Variants in CCDC138 observed in about 807,000 individuals in gnomAD.
The protein encoded by CCDC138 is coiled-coil domain-containing protein 138.
CCDC138 carries 66 observed loss-of-function variants against 82.3 expected under a neutral mutation model. That is an observed-to-expected ratio of 0.80 (90% CI 0.66 to 0.98). CCDC138 has a LOEUF of 0.98. Ranked by LOEUF, CCDC138 falls within the 50% of genes least tolerant of loss-of-function variation. CCDC138 has a pLI of 0.00. For missense variants in CCDC138, 816 were observed against 758.9 expected (o/e 1.08, Z -0.88); for synonymous variants, 297 against 265.4 (o/e 1.12, Z -1.16).
downstream of CCDC138, among the ~76,000 whole-genome samples, chr2:108,876,921 G>A (rs1049414201): frequency 1.3e-5 from 2 of 152,280 alleles, no homozygotes; most frequent in Admixed American, 6.5e-5. Context: ...GAGTAAAGTG[G>A]CCACAGGTCT....
At chr2:108,805,953 A>C (rs2149701138) in intron 7 of CCDC138, among the ~76,000 whole-genome samples, 1 of 152,210 alleles carries the variant, frequency 6.6e-6, no homozygotes, top group East Asian at 1.9e-4. Flanking sequence ...GTCACTTTGA[A>C]AATGAAAGCA....
chr2:108,852,243 T>G (rs1162580896), intron 12 of CCDC138, among the ~76,000 whole-genome samples: 1 of 152,180 alleles, frequency 6.6e-6, no homozygotes, highest in Non-Finnish European at 1.5e-5. Flanking sequence ...TGAAATAAAA[T>G]TTAACTGTAA....
At chr2:108,835,559 C>T (rs1232052426) in intron 10 of CCDC138, among the ~76,000 whole-genome samples, 1 of 152,134 alleles carries the variant, frequency 6.6e-6, no homozygotes, top group Non-Finnish European at 1.5e-5. Flanking sequence ...TAATGAATAA[C>T]CATAGTTTAA....
chr2:108,793,112 C>CT (rs1680194513), intron 4 of CCDC138, among the ~76,000 whole-genome samples: 1 of 148,630 alleles, frequency 6.7e-6, no homozygotes, highest in Admixed American at 6.7e-5. Flanking sequence ...AATCCCAGCA[C>CT]TTTGGGAGGC....
chr2:108,838,406 A>T (rs1212267963), intron 10 of CCDC138, among the ~76,000 whole-genome samples: 1 of 152,136 alleles, frequency 6.6e-6, no homozygotes, highest in Admixed American at 6.5e-5. Flanking sequence ...TGACATAACC[A>T]TTTTCCTGAT....
intron 12 of CCDC138, among the ~76,000 whole-genome samples, chr2:108,852,020 T>C (rs1691597939): frequency 6.6e-6 from 1 of 152,176 alleles, no homozygotes. Flanking sequence ...ATTTTATGAC[T>C]ACCTAAGAGC....
intron 13 of CCDC138, among the ~76,000 whole-genome samples, chr2:108,871,390 A>T (rs1695221638): frequency 1.3e-5 from 2 of 150,524 alleles, no homozygotes; most frequent in Non-Finnish European, 3.0e-5. Context: ...AAAAAAAAAA[A>T]AAAAATAGAA....
chr2:108,853,355 A>G (rs1283805517), intron 12 of CCDC138, among the ~76,000 whole-genome samples: 1 of 152,166 alleles, frequency 6.6e-6, no homozygotes, highest in Non-Finnish European at 1.5e-5. Context: ...TAACCATATC[A>G]TGAGCATAGT....
chr2:108,808,546 C>T (rs935266338), intron 7 of CCDC138, among the ~76,000 whole-genome samples: 1 of 152,068 alleles, frequency 6.6e-6, no homozygotes, highest in Non-Finnish European at 1.5e-5. Context: ...TTTTTCATAG[C>T]CTTTCTAACT....
At chr2:108,791,421 A>G in intron 3 of CCDC138, 1 of 461,804 alleles carries the variant, frequency 2.2e-6, no homozygotes, top group Non-Finnish European at 4.1e-6. Context: ...GCTGTAGAAT[A>G]TACCACAGGT....
At chr2:108,793,073 C>T (rs1462168473) in intron 4 of CCDC138, among the ~76,000 whole-genome samples, 1 of 137,042 alleles carries the variant, frequency 7.3e-6, no homozygotes, top group South Asian at 2.4e-4. Context: ...AAAAAAAAAG[C>T]AAGGCCGGGC....
intron 10 of CCDC138, among the ~76,000 whole-genome samples, chr2:108,830,940 C>T (rs536480126): frequency 9.2e-5 from 14 of 152,074 alleles, no homozygotes; most frequent in Non-Finnish European, 1.2e-4. Context: ...TTTGGGATGC[C>T]GAGGCAGGCA....
intron 12 of CCDC138, among the ~76,000 whole-genome samples, chr2:108,851,577 A>G (rs1397810987): frequency 6.6e-6 from 1 of 152,066 alleles, no homozygotes; most frequent in Non-Finnish European, 1.5e-5. Flanking sequence ...TGCTGATATT[A>G]CAGGCGTGAG....
chr2:108,829,437 T>TAACACC (rs1687169938), intron 10 of CCDC138, among the ~76,000 whole-genome samples: 1 of 152,190 alleles, frequency 6.6e-6, no homozygotes, highest in African/African-American at 2.4e-5. Flanking sequence ...AGATACCACT[T>TAACACC]AACACCTATT....
downstream of CCDC138, among the ~76,000 whole-genome samples, chr2:108,881,442 A>T (rs1696288684): frequency 6.6e-6 from 1 of 152,254 alleles, no homozygotes; most frequent in African/African-American, 2.4e-5. Context: ...ATCAGCAATA[A>T]GGCTGCTGTG....
intron 10 of CCDC138, among the ~76,000 whole-genome samples, chr2:108,825,863 C>T (rs971731330): frequency 2.0e-5 from 3 of 152,150 alleles, no homozygotes; most frequent in Non-Finnish European, 4.4e-5. Flanking sequence ...AGTGGTTCAA[C>T]AGTTGTTGAG....
downstream of CCDC138, among the ~76,000 whole-genome samples, chr2:108,881,460 A>T (rs756442725): frequency 6.6e-6 from 1 of 152,224 alleles, no homozygotes; most frequent in Admixed American, 6.5e-5. Context: ...GTGTTTTCTT[A>T]TCATTTGTGT....
chr2:108,826,535 G>A (rs1248073056), intron 10 of CCDC138, among the ~76,000 whole-genome samples: 2 of 151,912 alleles, frequency 1.3e-5, no homozygotes, highest in East Asian at 1.9e-4. Flanking sequence ...GAATTGTTTC[G>A]GTACCATGTT....
chr2:108,832,800 C>G (rs1227597088), intron 10 of CCDC138, among the ~76,000 whole-genome samples: 1 of 152,098 alleles, frequency 6.6e-6, no homozygotes, highest in Non-Finnish European at 1.5e-5. Flanking sequence ...CTGCCTTAGT[C>G]GTGACGTGTA....
Sources: allele counts gnomAD v4.1 joint callset (sites outside exome capture counted in the v4.1 genomes callset), GRCh38; gene constraint gnomAD v4.1.1; transcripts MANE v1.5; gene names NCBI Gene and HGNC (gene_info 2026-07-23, HGNC 2026-07-21).